The following LRRC37A2 variants were observed in gnomAD, a reference collection of about 807,000 sequenced individuals.
LRRC37A2 encodes the protein leucine-rich repeat-containing protein 37A2.
LRRC37A2 carries 9 observed loss-of-function variants against 68.8 expected under a neutral mutation model. That is an observed-to-expected ratio of 0.13 (90% CI 0.08 to 0.23). The LOEUF (loss-of-function observed/expected upper bound fraction) is 0.23. Ranked by LOEUF, LRRC37A2 falls within the 10% of genes least tolerant of loss-of-function variation. The pLI is 1.00. For missense variants in LRRC37A2, 168 were observed against 950.4 expected, an observed-to-expected ratio of 0.18 and a Z score of 10.82; for synonymous variants, 63 against 367.6, an observed-to-expected ratio of 0.17 and a Z score of 9.48.
the LRRC37A2 span, chr17:46,885,145 C>T: frequency 2.7e-5 from 10 of 370,498 alleles, no homozygotes; most frequent in Non-Finnish European, 4.3e-5. Flanking sequence ...TGCACCACCA[C>T]GCCTGACTAA....
chr17:46,467,147 T>G, the LRRC37A2 span, among the ~76,000 whole-genome samples: 1 of 61,618 alleles, frequency 1.6e-5, no homozygotes, highest in Non-Finnish European at 3.3e-5. Context: ...TCTTCTATTT[T>G]CTTATTTTAA....
the LRRC37A2 span, among the ~76,000 whole-genome samples, chr17:47,038,767 C>T: frequency 6.9e-5 from 6 of 87,232 alleles, no homozygotes; most frequent in African/African-American, 1.8e-4. Context: ...AATCTTTACT[C>T]GCCGCAACCT....
the LRRC37A2 span, chr17:46,938,717 T>C: frequency 3.1e-6 from 5 of 1,614,050 alleles, no homozygotes; most frequent in Non-Finnish European, 2.5e-6. Flanking sequence ...GGGATGCTGC[T>C]GACCTGTGTG....
chr17:46,858,629 C>T, the LRRC37A2 span, among the ~76,000 whole-genome samples: 1 of 152,152 alleles, frequency 6.6e-6, no homozygotes, highest in Non-Finnish European at 1.5e-5. Flanking sequence ...AAATCACTTT[C>T]TCATACAGCC....
chr17:46,832,914 A>T, the LRRC37A2 span: 1 of 179,708 alleles, frequency 5.6e-6, no homozygotes, highest in Non-Finnish European at 1.2e-5. Context: ...GGAATCCTCA[A>T]CAGGGCACTC....
chr17:46,749,439 C>CCATA, the LRRC37A2 span, among the ~76,000 whole-genome samples: 1 of 152,194 alleles, frequency 6.6e-6, no homozygotes, highest in African/African-American at 2.4e-5. Context: ...CCAATTCCCA[C>CCATA]CATACATGTG....
At chr17:47,021,346 A>G in the LRRC37A2 span, among the ~76,000 whole-genome samples, 19 of 121,972 alleles carry the variant, frequency 1.6e-4, no homozygotes, top group South Asian at 1.3e-3. Context: ...CTAGGAGTGA[A>G]GTGTGAAGGG....
At chr17:47,012,790 G>GA in the LRRC37A2 span, among the ~76,000 whole-genome samples, 3 of 152,194 alleles carry the variant, frequency 2.0e-5, no homozygotes, top group South Asian at 6.2e-4. Flanking sequence ...AATGCAAAAT[G>GA]ATGCAGTCAC....
At chr17:46,906,301 G>C in the LRRC37A2 span, among the ~76,000 whole-genome samples, 2 of 152,298 alleles carry the variant, frequency 1.3e-5, no homozygotes. Flanking sequence ...ACATAAGGTC[G>C]GAAAGGACTT....
the LRRC37A2 span, among the ~76,000 whole-genome samples, chr17:47,006,097 G>A: frequency 5.3e-3 from 804 of 152,154 alleles, 5 homozygotes; most frequent in Admixed American, 8.8e-3. Context: ...GCTTGAACCC[G>A]AGAGAAGGAG....
chr17:47,035,547 C>T, the LRRC37A2 span, among the ~76,000 whole-genome samples: 1 of 152,194 alleles, frequency 6.6e-6, no homozygotes, highest in Non-Finnish European at 1.5e-5. Context: ...TCACTATATC[C>T]GTTCATCCAT....
chr17:46,761,344 T>G, the LRRC37A2 span, among the ~76,000 whole-genome samples: 12,698 of 150,680 alleles, frequency 0.084, 1,432 homozygotes, highest in African/African-American at 0.25. Context: ...GTTTTTTTTT[T>G]TTTTTGAGAT....
At chr17:46,980,354 T>TCCTTCCTTC in the LRRC37A2 span, among the ~76,000 whole-genome samples, 2 of 151,152 alleles carry the variant, frequency 1.3e-5, no homozygotes, top group Admixed American at 6.6e-5. Context: ...CTTCCTTCCT[T>TCCTTCCTTC]CTTCTTTCTT....
At chr17:46,785,055 G>A in the LRRC37A2 span, among the ~76,000 whole-genome samples, 7 of 152,112 alleles carry the variant, frequency 4.6e-5, no homozygotes, top group Non-Finnish European at 8.8e-5. Context: ...GGGATTACAG[G>A]CGTGAGCCAC....
chr17:46,978,828 G>A, the LRRC37A2 span: 1 of 1,606,808 alleles, frequency 6.2e-7, no homozygotes, highest in Non-Finnish European at 8.5e-7. Context: ...CCCACAGGCT[G>A]CGCTCGTCGG....
the LRRC37A2 span, chr17:46,978,979 C>A: frequency 2.1e-6 from 3 of 1,447,474 alleles, no homozygotes; most frequent in South Asian, 1.4e-5. Context: ...CTCCTCCAAG[C>A]CGCTGTGGTT....
At chr17:46,901,168 T>C in the LRRC37A2 span, among the ~76,000 whole-genome samples, 9 of 151,982 alleles carry the variant, frequency 5.9e-5, no homozygotes, top group African/African-American at 1.7e-4. Flanking sequence ...TATTTTATTA[T>C]TATTATTTTT....
At chr17:46,731,831 A>G in the LRRC37A2 span, among the ~76,000 whole-genome samples, 148,408 of 152,286 alleles carry the variant, frequency 0.97, 72,404 homozygotes, top group East Asian at 1. Flanking sequence ...ATGAATCAGT[A>G]ACAGGATAAA....
At chr17:46,920,634 T>A in the LRRC37A2 span, among the ~76,000 whole-genome samples, 3 of 152,284 alleles carry the variant, frequency 2.0e-5, no homozygotes, top group Admixed American at 6.5e-5. Context: ...CCAAACCCAG[T>A]CCCAGCTCAA....
Sources: allele counts gnomAD v4.1 joint callset (sites outside exome capture counted in the v4.1 genomes callset), GRCh38; gene constraint gnomAD v4.1.1; transcripts MANE v1.5; gene names NCBI Gene and HGNC (gene_info 2026-07-23, HGNC 2026-07-21).